ADAM12: variants seen among roughly 807,000 people sequenced by gnomAD.
ADAM12 encodes ADAM metallopeptidase domain 12.
In ADAM12, 70 loss-of-function variants were observed where a neutral mutation model predicts 106.4. That is an observed-to-expected ratio of 0.66 (90% CI 0.54 to 0.80). ADAM12 has a LOEUF of 0.80. Ranked by LOEUF, ADAM12 falls within the 30% of genes least tolerant of loss-of-function variation. The pLI, the probability that ADAM12 is intolerant of heterozygous loss-of-function variation, is 0.00. For synonymous variants in ADAM12, 420 were observed against 433.5 expected (o/e 0.97, Z 0.39); for missense variants, 1,010 against 1,171.9 (o/e 0.86, Z 2.02).
Position 126,019,763 on chromosome 10 carries a change from AGTT to A in ADAM12, c.2589_2591del (p.Thr864del), listed in dbSNP as rs1367658786. ...TCCTGGCCAAGGCATGAGTGAGCCG[AGTT>A]GTTCTGGCCAGAGGATCTGCAGGCA... On this transcript the variant is annotated inframe_deletion, in exon 22 of 23. Coordinates refer to ENST00000448723, the MANE Select transcript of ADAM12 (RefSeq NM_001288973.2). The A allele has an allele frequency of 6.2e-7, 1 of 1,613,980 alleles. No homozygotes were observed. The highest frequency in any genetic ancestry group is 8.5e-7 in the Non-Finnish European group (1 of 1,179,988).
At chr10:126,197,015 A>G (rs1252307991) in intron 3 of ADAM12, among the ~76,000 whole-genome samples, 1 of 152,160 alleles carries the variant, frequency 6.6e-6, no homozygotes, top group Non-Finnish European at 1.5e-5. Flanking sequence ...AATTTGACCC[A>G]TCATTTTGGG....
intron 3 of ADAM12, among the ~76,000 whole-genome samples, chr10:126,236,962 AC>A (rs1294954693): frequency 6.6e-6 from 1 of 151,900 alleles, no homozygotes; most frequent in East Asian, 1.9e-4. Flanking sequence ...TACAGAGCTG[AC>A]CAGAAGCCTC....
intron 1 of ADAM12, among the ~76,000 whole-genome samples, chr10:126,368,659 G>GA (rs1856001065): frequency 6.7e-6 from 1 of 149,150 alleles, no homozygotes; most frequent in Non-Finnish European, 1.5e-5. Context: ...TGTTGTTGTT[G>GA]TTTTTTTTTG....
rs1380512315 is a variant in ADAM12, at chr10:126,019,780, G to A, written c.2575C>T (p.Pro859Ser). ...GTGAGCCGAGTTGTTCTGGCCAGAG[G>A]ATCTGCAGGCAGAGGCTTCTGAGGG... ...NPPQKPLPAD[P>S]LARTTRLTHA... Residue 859 changes from proline to serine, a missense_variant, in exon 22 of 23, where the codon CCT (proline) becomes TCT (serine). Physicochemically the swap from Pro to Ser is moderately conservative, Grantham distance 74 (BLOSUM62 -1). Around this residue, in one of 3 missense-constraint regions of ADAM12, gnomAD observed 615 missense variants for 708.5 expected, o/e 0.87. Transcript: ENST00000448723. 4 of 1,614,024 alleles carry A rather than the reference G, an allele frequency of 2.5e-6. No individual in the cohort carries two copies. In the African/African-American group the frequency reaches 5.3e-5, roughly 22 times the overall value.
chr10:126,014,312 G>GTTTTTTTTTTTTTTT lies in ADAM12; in HGVS notation c.*2966_*2967insAAAAAAAAAAAAAAA, dbSNP rs145629858. The stretch of plus-strand genomic sequence containing the variant: ...AGAACATTTTGACACAGTTTTAGCC[G>GTTTTTTTTTTTTTTT]GTTTTTTTTTTTTTTTTTTTTTTTT... On this transcript the variant is annotated 3_prime_UTR_variant, in exon 23 of 23. Transcript: ENST00000448723. 5 of 87,668 alleles carry GTTTTTTTTTTTTTTT rather than the reference G, an allele frequency of 5.7e-5. No homozygotes were observed. The highest frequency in any genetic ancestry group is 1.3e-4 in the African/African-American group (3 of 23,908). The allele number at this position is 87,668 out of a possible 1,614,324, so 5.4% of individuals were successfully genotyped here. A position where few individuals can be genotyped will look rare whatever the true frequency, so the allele number is the denominator to read the frequency against.
intron 4 of ADAM12, among the ~76,000 whole-genome samples, chr10:126,148,445 C>A (rs1389894583): frequency 2.6e-5 from 4 of 152,166 alleles, no homozygotes; most frequent in African/African-American, 9.7e-5. Flanking sequence ...CCTTAAGGGG[C>A]TCCTGCTGGA....
intron 3 of ADAM12, among the ~76,000 whole-genome samples, chr10:126,167,267 C>T (rs967367122): frequency 5.3e-5 from 8 of 152,086 alleles, no homozygotes; most frequent in African/African-American, 9.7e-5. Flanking sequence ...GCAACTTTGC[C>T]GGGGTCACAC....
chr10:126,347,508 G>T (rs1471610885), intron 1 of ADAM12, among the ~76,000 whole-genome samples: 1 of 152,096 alleles, frequency 6.6e-6, no homozygotes, highest in Admixed American at 6.6e-5. Flanking sequence ...TCTTGGATTT[G>T]CTCTTCTTGA....
At chr10:126,162,537 C>G (rs1247275362) in intron 3 of ADAM12, among the ~76,000 whole-genome samples, 1 of 152,158 alleles carries the variant, frequency 6.6e-6, no homozygotes, top group African/African-American at 2.4e-5. Flanking sequence ...CCATGCAGAG[C>G]CGCCAAACAC....
At chr10:126,080,370 C>T (rs1791275112) in intron 11 of ADAM12, among the ~76,000 whole-genome samples, 1 of 152,146 alleles carries the variant, frequency 6.6e-6, no homozygotes, top group Non-Finnish European at 1.5e-5. Context: ...AATAAATTAT[C>T]CCACATGTGC....
intron 2 of ADAM12, among the ~76,000 whole-genome samples, chr10:126,323,803 A>G (rs1200820199): frequency 6.6e-6 from 1 of 152,192 alleles, no homozygotes; most frequent in African/African-American, 2.4e-5. Context: ...GCACAGTCCA[A>G]ATTAATCTTT....
intron 14 of ADAM12, among the ~76,000 whole-genome samples, chr10:126,063,187 G>A (rs369663176): frequency 5.6e-4 from 85 of 152,272 alleles, no homozygotes; most frequent in Admixed American, 1.2e-3. Flanking sequence ...ACCTGCCCAC[G>A]CGCATCCCTG....
intron 3 of ADAM12, among the ~76,000 whole-genome samples, chr10:126,209,973 A>G (rs983052237): frequency 6.6e-6 from 1 of 152,176 alleles, no homozygotes; most frequent in African/African-American, 2.4e-5. Context: ...ATTCTCCTTA[A>G]TCATTTTATT....
At chr10:126,111,679 A>G (rs1344357305) in intron 6 of ADAM12, among the ~76,000 whole-genome samples, 1 of 152,214 alleles carries the variant, frequency 6.6e-6, no homozygotes, top group Admixed American at 6.5e-5. Context: ...GATAATAAAA[A>G]CAAACATGTG....
At chr10:126,127,357 T>G (rs744329) in intron 5 of ADAM12, among the ~76,000 whole-genome samples, 6 of 152,078 alleles carry the variant, frequency 3.9e-5, no homozygotes, top group Non-Finnish European at 8.8e-5. Context: ...CCTTCATATG[T>G]TCTACTGCAC....
chr10:126,099,341 T>TATA (rs1955615157), intron 9 of ADAM12, among the ~76,000 whole-genome samples: 1 of 152,128 alleles, frequency 6.6e-6, no homozygotes, highest in Non-Finnish European at 1.5e-5. Context: ...GTGGTAAGTG[T>TATA]ATATAAAACC....
chr10:126,209,811 A>G (rs1957866141), intron 3 of ADAM12, among the ~76,000 whole-genome samples: 1 of 152,212 alleles, frequency 6.6e-6, no homozygotes, highest in African/African-American at 2.4e-5. Context: ...CGTAACTCCC[A>G]AGCCTATGAG....
intron 3 of ADAM12, among the ~76,000 whole-genome samples, chr10:126,268,971 A>C (rs980788803): frequency 3.3e-5 from 5 of 152,206 alleles, no homozygotes; most frequent in African/African-American, 1.2e-4. Context: ...TAAAGGAATA[A>C]GAATGGCTAC....
chr10:126,244,621 A>G (rs953078705), intron 3 of ADAM12, among the ~76,000 whole-genome samples: 1 of 152,232 alleles, frequency 6.6e-6, no homozygotes, highest in Non-Finnish European at 1.5e-5. Context: ...ATATACTGAC[A>G]GCTATTAATT....
Sources: gnomAD v4.1 joint callset for allele counts (sites outside exome capture counted in the v4.1 genomes callset) on GRCh38, gnomAD v4.1.1 for gene constraint, gnomAD v4.1.1 regional missense constraint, MANE v1.5 for transcripts, NCBI Gene and HGNC (gene_info 2026-07-23, HGNC 2026-07-21) for gene names.